The following SH3PXD2B variants were observed in gnomAD, a reference collection of about 807,000 sequenced individuals.
SH3PXD2B encodes SH3 and PX domain-containing protein 2B.
Under a neutral mutation model 73.1 loss-of-function variants are expected in SH3PXD2B, and 37 were observed. The ratio of observed to expected loss-of-function variants is 0.51; its 90% CI spans 0.39 to 0.67. SH3PXD2B has a LOEUF of 0.67. Ranked by LOEUF, SH3PXD2B falls within the 30% of genes least tolerant of loss-of-function variation. SH3PXD2B has a pLI of 0.00. For synonymous variants in SH3PXD2B, 457 were observed against 480.5 expected (o/e 0.95, Z 0.64); for missense variants, 1,053 against 1,197.8 (o/e 0.88, Z 1.78).
rs370525113 is a variant in SH3PXD2B, at chr5:172,338,981, G to A, written c.2124C>T (p.Arg708=). ...RSFLPGEGPG[R]AQDRTGKQDG... ...CCTGTTTGCCCGTCCTGTCCTGGGC[G>A]CGGCCAGGCCCCTCTCCTGGGAGGA... Residue 708 remains arginine (R), a synonymous_variant, in exon 13 of 13, where the codon CGC becomes CGT. Transcript: ENST00000311601. This position sits in a 1 kb window ranked among gnomAD's most constrained non-coding sequence, Gnocchi z 5.1. 2.9e-5 allele frequency: 47 copies of A among 1,613,932 alleles called. No homozygotes were observed. The highest frequency in any genetic ancestry group is 1.0e-4 in the Admixed American group (6 of 60,004).
At chr5:172,355,780 G>T (rs1190570734) in intron 8 of SH3PXD2B, among the ~76,000 whole-genome samples, 1 of 152,116 alleles carries the variant, frequency 6.6e-6, no homozygotes, top group South Asian at 2.1e-4. Context: ...TCCTGACCTC[G>T]TGATCCGCCC....
chr5:172,354,023 A>T lies in SH3PXD2B; in HGVS notation c.668-18T>A. ...CTTCTCCTCTGTGGGGACAAAAGGA[A>T]GCTGGGGTCAGAAGAGGACACCAAG... On this transcript the variant is annotated intron_variant, in intron 8 of 12. Coordinates refer to ENST00000311601, the MANE Select transcript of SH3PXD2B (RefSeq NM_001017995.3). 6.2e-7 allele frequency: 1 copy of T among 1,610,170 alleles called. No individual in the cohort carries two copies. The highest frequency in any genetic ancestry group is 2.2e-5 in the East Asian group (1 of 44,860).
rs776509593 is a variant in SH3PXD2B at position 172,338,664 on chromosome 5, C to A, written c.2441G>T (p.Gly814Val). 6.2e-6 allele frequency: 10 copies of A among 1,614,174 alleles called. No individual in the cohort carries two copies. The highest frequency in any genetic ancestry group is 1.7e-5 in the Admixed American group (1 of 60,022). Reference sequence around the variant, plus strand: ...GCCTTTGCCTCGCGTGTCATCCTGGCCCCCCAAAGAGTTGGAGAGAAAAGG... The same window carrying A: ...GCCTTTGCCTCGCGTGTCATCCTGGACCCCCAAAGAGTTGGAGAGAAAAGG... ...AKPFLSNSLG[G>V]QDDTRGKGSL... is the part of the protein sequence containing the mutation. The change falls in exon 13 of 13, where the codon GGC becomes GTC. Residue 814 changes from glycine (G) to valine (V), a missense_variant. Around this residue, in one of 2 missense-constraint regions of SH3PXD2B, gnomAD observed 587 missense variants for 590.7 expected, o/e 0.99. Coordinates refer to ENST00000311601, the MANE Select transcript of SH3PXD2B (RefSeq NM_001017995.3). This position sits in a 1 kb window ranked among gnomAD's most constrained non-coding sequence, Gnocchi z 5.1.
chr5:172,359,152 C>T (rs1757345171), intron 7 of SH3PXD2B, among the ~76,000 whole-genome samples: 1 of 152,078 alleles, frequency 6.6e-6, no homozygotes, highest in Non-Finnish European at 1.5e-5. Context: ...GTAATCCCAG[C>T]ACTTTGGATG....
intron 3 of SH3PXD2B, among the ~76,000 whole-genome samples, chr5:172,396,815 C>T (rs932590544): frequency 1.1e-4 from 17 of 152,022 alleles, no homozygotes; most frequent in Non-Finnish European, 1.0e-4. Flanking sequence ...GTGGCACATG[C>T]CTGTAATCCC....
intron 2 of SH3PXD2B, among the ~76,000 whole-genome samples, chr5:172,410,027 T>A (rs1758656674): frequency 6.6e-6 from 1 of 152,248 alleles, no homozygotes; most frequent in South Asian, 2.1e-4. Flanking sequence ...ATACCACAAT[T>A]TCTTTATCCA....
intron 4 of SH3PXD2B, among the ~76,000 whole-genome samples, chr5:172,392,387 G>A (rs1561919920): frequency 6.6e-6 from 1 of 152,142 alleles, no homozygotes; most frequent in East Asian, 1.9e-4. Flanking sequence ...GAAACTAAAT[G>A]ATGTTGTAAG....
chr5:172,454,438 G>A lies in SH3PXD2B; in HGVS notation c.-86C>T. On this transcript the variant is annotated 5_prime_UTR_variant, in exon 1 of 13. Coordinates refer to ENST00000311601, the MANE Select transcript of SH3PXD2B (RefSeq NM_001017995.3). ...CGCTGGGGGCGCGCCGCCGCGGGCA[G>A]GGAACCTGGAGCTGAGCGCAATCGC... The A allele has an allele frequency of 2.4e-6, 2 of 839,426 alleles. No individual in the cohort carries two copies. The highest frequency in any genetic ancestry group is 1.0e-4 in the East Asian group (2 of 19,456). The allele number at this position is 839,426 out of a possible 1,614,324, so 52.0% of individuals were successfully genotyped here.
chr5:172,348,661 A>ATCTATCTGTCTG (rs1482779002), intron 10 of SH3PXD2B, among the ~76,000 whole-genome samples: 468 of 30,602 alleles, frequency 0.015, 6 homozygotes, highest in African/African-American at 0.043. Flanking sequence ...TATCCTATCT[A>ATCTATCTGTCTG]TCTATCTATC....
At chr5:172,387,497 T>A (rs925667477) in intron 4 of SH3PXD2B, among the ~76,000 whole-genome samples, 1 of 152,232 alleles carries the variant, frequency 6.6e-6, no homozygotes, top group African/African-American at 2.4e-5. Flanking sequence ...CCCAGTACCG[T>A]ACACCCTTCA....
intron 3 of SH3PXD2B, among the ~76,000 whole-genome samples, chr5:172,404,319 T>A (rs978892976): frequency 2.0e-5 from 3 of 151,846 alleles, no homozygotes; most frequent in East Asian, 1.9e-4. Context: ...TATATATATT[T>A]TTTTTTGAGA....
At chr5:172,343,826 A>T (rs935275444) in intron 12 of SH3PXD2B, among the ~76,000 whole-genome samples, 2 of 151,958 alleles carry the variant, frequency 1.3e-5, no homozygotes, top group African/African-American at 4.8e-5. Flanking sequence ...AAAAGATCAC[A>T]AGAATGAGGG....
intron 9 of SH3PXD2B, among the ~76,000 whole-genome samples, chr5:172,352,491 A>G (rs1757177546): frequency 6.6e-6 from 1 of 152,002 alleles, no homozygotes; most frequent in African/African-American, 2.4e-5. Flanking sequence ...CTCCTCAAGT[A>G]CTGGGATTAC....
intron 4 of SH3PXD2B, among the ~76,000 whole-genome samples, chr5:172,390,815 T>TTGTGTGTGTGTG (rs56116617): frequency 5.4e-4 from 75 of 140,002 alleles, no homozygotes; most frequent in Admixed American, 1.3e-3. Context: ...TTCCCGTCTT[T>TTGTGTGTGTGTG]TGTGTGTGTG....
downstream of SH3PXD2B, among the ~76,000 whole-genome samples, chr5:172,329,081 A>ATTTTTTTTTTTTT (rs67185423): frequency 5.9e-5 from 4 of 68,218 alleles, no homozygotes; most frequent in African/African-American, 1.9e-4. Flanking sequence ...ATATATATAT[A>ATTTTTTTTTTTTT]TATTTTTTTT....
chr5:172,370,963 T>A (rs544537154), intron 6 of SH3PXD2B, among the ~76,000 whole-genome samples: 1 of 152,266 alleles, frequency 6.6e-6, no homozygotes, highest in African/African-American at 2.4e-5. Flanking sequence ...AATCAAAGGA[T>A]TCCTAGGCAA....
chr5:172,385,956 T>C (rs1202965634), intron 4 of SH3PXD2B, among the ~76,000 whole-genome samples: 1 of 152,204 alleles, frequency 6.6e-6, no homozygotes, highest in African/African-American at 2.4e-5. Context: ...GTCCTGTCAG[T>C]AGTGACAAAG....
At chr5:172,433,008 G>A (rs951422615) in intron 1 of SH3PXD2B, among the ~76,000 whole-genome samples, 5 of 151,356 alleles carry the variant, frequency 3.3e-5, no homozygotes, top group Non-Finnish European at 7.4e-5. Flanking sequence ...ACACAGTTAC[G>A]CACCACCTAA....
chr5:172,372,827 A>G (rs1320479061), intron 6 of SH3PXD2B, among the ~76,000 whole-genome samples: 4 of 152,062 alleles, frequency 2.6e-5, no homozygotes, highest in Non-Finnish European at 4.4e-5. Flanking sequence ...ACCTCCTGGC[A>G]CCCTAGGAAA....
Sources: gnomAD v4.1 joint callset for allele counts (sites outside exome capture counted in the v4.1 genomes callset) on GRCh38, gnomAD v4.1.1 for gene constraint, gnomAD v4.1.1 regional missense constraint, Gnocchi (gnomAD v3.1) non-coding constraint, MANE v1.5 for transcripts, NCBI Gene and HGNC (gene_info 2026-07-23, HGNC 2026-07-21) for gene names.